The following GRID1 variants were observed in gnomAD, a reference collection of about 807,000 sequenced individuals.
The protein encoded by GRID1 is glutamate ionotropic receptor delta type subunit 1.
A neutral mutation model predicts 98.0 loss-of-function variants in GRID1; 28 were observed. The observed-to-expected ratio is 0.29, with a 90% confidence interval of 0.21 to 0.39. The LOEUF is 0.39. Among genes scored for constraint, GRID1 ranks in the 10% least tolerant of loss-of-function variants. The pLI, the probability that GRID1 is intolerant of heterozygous loss-of-function variation, is 1.00. For synonymous variants in GRID1, 553 were observed against 538.5 expected, an observed-to-expected ratio of 1.03 and a Z score of -0.37; for missense variants, 1,111 against 1,340.5, an observed-to-expected ratio of 0.83 and a Z score of 2.67.
intron 13 of GRID1, 68 bp downstream of exon 13, chr10:85,647,134 C>T: frequency 5.4e-6 from 7 of 1,295,930 alleles, no homozygotes; most frequent in Non-Finnish European, 7.8e-6. Context: ...GAGGTGTCTC[C>T]CACCTGGGGG....
intron 4 of GRID1, among the ~76,000 whole-genome samples, chr10:85,944,105 C>A: frequency 6.6e-6 from 1 of 152,220 alleles, no homozygotes; most frequent in South Asian, 2.1e-4. Flanking sequence ...CAACTGGCAA[C>A]CACAGGGCCA....
At chr10:86,311,096 C>T (rs759717727) in intron 2 of GRID1, among the ~76,000 whole-genome samples, 43 of 152,266 alleles carry the variant, frequency 2.8e-4, no homozygotes, top group South Asian at 4.1e-4. Flanking sequence ...TTTTCTGAGA[C>T]TCTCCTCTGT....
intron 4 of GRID1, among the ~76,000 whole-genome samples, chr10:85,936,340 C>A (rs1841925192): frequency 6.6e-6 from 1 of 152,246 alleles, no homozygotes; most frequent in Admixed American, 6.5e-5. Context: ...TCACACCAAA[C>A]TAGAATATCA....
Position 86,268,269 on chromosome 10 carries a change from C to T in GRID1, c.236-61621G>A, listed in dbSNP as rs141349248. On this transcript the variant is annotated intron_variant, in intron 2 of 15. Coordinates refer to ENST00000327946, the MANE Select transcript of GRID1 (RefSeq NM_017551.3). ...CCTGCTCTGGCCAATAAAATGGAAG[C>T]CGTGTGATAAGCATTTCTTCCCGGC... 2.6e-5 allele frequency among the ~76,000 whole-genome samples: 4 copies of T among 152,330 alleles called. No individual in the cohort carries two copies. The East Asian group carries it at 5.8e-4, about 22-fold the overall frequency.
intron 4 of GRID1, among the ~76,000 whole-genome samples, chr10:86,131,165 T>C (rs1248973725): frequency 1.3e-5 from 2 of 152,136 alleles, no homozygotes; most frequent in African/African-American, 2.4e-5. Flanking sequence ...CTGCCTCTCA[T>C]GACCCGCCCC....
intron 8 of GRID1, 127 bp downstream of exon 8, chr10:85,854,369 A>C: frequency 1.2e-6 from 1 of 837,466 alleles, no homozygotes; most frequent in Non-Finnish European, 1.9e-6. Flanking sequence ...GCATCAGCAG[A>C]GAGAGACTAG....
intron 8 of GRID1, among the ~76,000 whole-genome samples, chr10:85,755,187 C>T (rs537296448): frequency 1.4e-4 from 22 of 152,106 alleles, no homozygotes; most frequent in African/African-American, 3.9e-4. Flanking sequence ...GTCAAACTTG[C>T]GCAAGCATTT....
chr10:86,202,956 GCT>G (rs1294479737), intron 3 of GRID1, among the ~76,000 whole-genome samples: 1 of 152,218 alleles, frequency 6.6e-6, no homozygotes, highest in Non-Finnish European at 1.5e-5. Flanking sequence ...GGAGCAGGAA[GCT>G]AGAGCCTAGT....
chr10:86,172,717 CCT>C (rs527475141), intron 3 of GRID1, among the ~76,000 whole-genome samples: 138 of 152,238 alleles, frequency 9.1e-4, no homozygotes, highest in African/African-American at 3.3e-3. Context: ...GCCATCTGCT[CCT>C]CTCTCTAGCC....
chr10:85,689,129 C>A (rs747009233), intron 12 of GRID1, among the ~76,000 whole-genome samples: 5 of 152,224 alleles, frequency 3.3e-5, no homozygotes, highest in Non-Finnish European at 5.9e-5. Flanking sequence ...ACTCTCCCAA[C>A]TTCCTAATAC....
intron 8 of GRID1, among the ~76,000 whole-genome samples, chr10:85,791,575 A>G (rs1034683469): frequency 6.6e-6 from 1 of 152,168 alleles, no homozygotes; most frequent in Non-Finnish European, 1.5e-5. Flanking sequence ...CCAGAAAGAA[A>G]GTGACAATAT....
chr10:86,066,531 G>A (rs906631639), intron 4 of GRID1, among the ~76,000 whole-genome samples: 2 of 152,178 alleles, frequency 1.3e-5, no homozygotes, highest in Non-Finnish European at 2.9e-5. Context: ...GCTGAGGGAG[G>A]TCAAACCCAA....
intron 8 of GRID1, among the ~76,000 whole-genome samples, chr10:85,795,118 A>G (rs1324628425): frequency 6.6e-6 from 1 of 152,240 alleles, no homozygotes; most frequent in Non-Finnish European, 1.5e-5. Flanking sequence ...ATCGAGAAAT[A>G]TAATCACTGG....
In GRID1 at chr10:85,632,688, CAT is replaced by C. The variant is rs1157113048; in HGVS notation, c.2194-12657_2194-12656del. ...CCTCCCGAGTAGCTGGGACTACAGA[CAT>C]GTGCCACCACACCGGGCTAATTTTG... On this transcript the variant is annotated intron_variant, in intron 13 of 15. Coordinates refer to ENST00000327946, the MANE Select transcript of GRID1 (RefSeq NM_017551.3). Among the ~76,000 whole-genome samples the C allele has an allele frequency of 9.2e-5, 14 of 152,150 alleles. No individual in the cohort carries two copies. In the South Asian group the frequency reaches 1.5e-3, roughly 16 times the overall value.
At chr10:85,997,501 T>C (rs1304566427) in intron 4 of GRID1, among the ~76,000 whole-genome samples, 23 of 152,200 alleles carry the variant, frequency 1.5e-4, no homozygotes, top group Admixed American at 1.4e-3. Flanking sequence ...TGGCAAATTA[T>C]TGATTCTCAG....
At chr10:86,120,463 G>C (rs1844649155) in intron 4 of GRID1, among the ~76,000 whole-genome samples, 1 of 152,192 alleles carries the variant, frequency 6.6e-6, no homozygotes, top group Admixed American at 6.5e-5. Flanking sequence ...CCTAAGGACA[G>C]ACAAGTGCTC....
At chr10:86,036,898 C>T (rs982893433) in intron 4 of GRID1, among the ~76,000 whole-genome samples, 1 of 152,232 alleles carries the variant, frequency 6.6e-6, no homozygotes, top group Non-Finnish European at 1.5e-5. Context: ...ATGTAGGCTA[C>T]ATTACAAATC....
intron 4 of GRID1, among the ~76,000 whole-genome samples, chr10:86,003,117 C>T (rs543106739): frequency 3.3e-5 from 5 of 152,334 alleles, no homozygotes; most frequent in East Asian, 3.9e-4. Context: ...TAACCCAGAA[C>T]CTCCTGGGCA....
chr10:85,693,631 C>G (rs1841357719), intron 12 of GRID1, among the ~76,000 whole-genome samples: 1 of 152,098 alleles, frequency 6.6e-6, no homozygotes, highest in South Asian at 2.1e-4. Context: ...AATAAAGCCA[C>G]ATATCTACAT....
Sources: gnomAD v4.1 joint callset for allele counts (sites outside exome capture counted in the v4.1 genomes callset) on GRCh38, gnomAD v4.1.1 for gene constraint, MANE v1.5 for transcripts, NCBI Gene and HGNC (gene_info 2026-07-23, HGNC 2026-07-21) for gene names.